The following TNFSF8 variants were observed in gnomAD, a reference collection of about 807,000 sequenced individuals.
The protein encoded by TNFSF8 is tumor necrosis factor ligand superfamily member 8.
In TNFSF8, 4 loss-of-function variants were observed where a neutral mutation model predicts 22.0. The observed-to-expected ratio is 0.18, with a 90% CI of 0.09 to 0.42. The LOEUF is 0.42. Ranked by LOEUF, TNFSF8 falls within the 10% of genes least tolerant of loss-of-function variation. The probability of loss-of-function intolerance (pLI) is 1.00; values close to 1 mark genes in which losing one functional copy is unlikely to be tolerated. For missense variants in TNFSF8, 233 were observed against 281.8 expected (o/e 0.83, Z 1.24); for synonymous variants, 106 against 112.5 (o/e 0.94, Z 0.37).
chr9:114,900,458 A>G (rs1424669794), downstream of TNFSF8, among the ~76,000 whole-genome samples: 3 of 152,136 alleles, frequency 2.0e-5, no homozygotes, highest in Non-Finnish European at 4.4e-5. Context: ...GCCCAGTCTC[A>G]TATTCCAATC....
exon 5 of TNFSF8, chr9:114,893,884 G>T (rs1240802862): frequency 3.7e-6 from 2 of 546,528 alleles, no homozygotes; most frequent in African/African-American, 3.8e-5. Flanking sequence ...TCTCTCTGGG[G>T]CCAGGAAGTA....
rs926790345 is a variant in TNFSF8 at position 114,904,191 on chromosome 9, C to G, written c.445G>C (p.Val149Leu). ...YFIICQLQFLVQCPNNSVDLK... is the reference protein window; with the variant it reads ...YFIICQLQFLLQCPNNSVDLK... ...TCGACAGAATTATTTGGGCATTGTA[C>G]AAGAAACTGCAGTTGGCAAATGATG... The change falls in exon 4 of 4, where the codon GTA becomes CTA. Residue 149 changes from valine (V) to leucine (L), a missense_variant. By Grantham distance (32) the Val-to-Leu change is conservative (BLOSUM62 1). Transcript: ENST00000223795. The G allele has an allele frequency of 2.5e-6, 4 of 1,614,098 alleles. No individual in the cohort carries two copies. The highest frequency in any genetic ancestry group is 2.2e-5 in the East Asian group (1 of 44,888).
Position 114,930,098 on chromosome 9 carries a change from A to G in TNFSF8, c.195+11T>C. The G allele has an allele frequency of 1.4e-6, 2 of 1,452,408 alleles. No homozygotes were observed. The highest frequency in any genetic ancestry group is 1.4e-5 in the South Asian group (1 of 70,578). 90.0% of individuals were successfully genotyped at this position (1,452,408 alleles called of 1,614,324 possible). Reference sequence around the variant, plus strand: ...CAAGAAAAGGAAAGGGAGGAAGAGGAGTCCACTTACCGTCCTCTGAACGAC... The same window carrying G: ...CAAGAAAAGGAAAGGGAGGAAGAGGGGTCCACTTACCGTCCTCTGAACGAC... On this transcript the variant is annotated intron_variant, in intron 1 of 3. Transcript: ENST00000223795.
chr9:114,917,370 T>C (rs1827932440), intron 2 of TNFSF8, among the ~76,000 whole-genome samples: 1 of 152,238 alleles, frequency 6.6e-6, no homozygotes, highest in Admixed American at 6.5e-5. Context: ...GGCTTGGCTT[T>C]GTATGACCTT....
intron 2 of TNFSF8, among the ~76,000 whole-genome samples, chr9:114,912,054 A>G (rs1827858570): frequency 6.6e-6 from 1 of 152,242 alleles, no homozygotes; most frequent in Non-Finnish European, 1.5e-5. Flanking sequence ...TTGGGTTCAA[A>G]TCAATTTTAG....
chr9:114,904,150 A>T lies in TNFSF8; in HGVS notation c.486T>A (p.Leu162=). ...PNNSVDLKLE[L]LINKHIKKQA... is the part of the protein sequence containing the mutation. ...GTTTTTTGATATGCTTGTTGATGAGAAGCTCCAACTTCAGATCGACAGAAT... is the reference window on the plus strand; with the variant it reads ...GTTTTTTGATATGCTTGTTGATGAGTAGCTCCAACTTCAGATCGACAGAAT... The change falls in exon 4 of 4, where the codon CTT becomes CTA. Residue 162 remains leucine (L), a synonymous_variant. Transcript: ENST00000223795. 1 of 1,614,114 alleles carries T rather than the reference A, an allele frequency of 6.2e-7. No homozygotes were observed. The highest frequency in any genetic ancestry group is 8.5e-7 in the Non-Finnish European group (1 of 1,179,982).
At chr9:114,906,674 T>G (rs1169304582) in intron 2 of TNFSF8, among the ~76,000 whole-genome samples, 2 of 152,220 alleles carry the variant, frequency 1.3e-5, no homozygotes, top group African/African-American at 4.8e-5. Context: ...TGGAGCTTCC[T>G]TGGCAGAGGC....
downstream of TNFSF8, among the ~76,000 whole-genome samples, chr9:114,897,869 T>A (rs1186282675): frequency 6.6e-6 from 1 of 152,188 alleles, no homozygotes; most frequent in African/African-American, 2.4e-5. Context: ...TCATAGTGAC[T>A]GGAGCGTGGA....
In TNFSF8 at chr9:114,903,989, G is replaced by T. The variant is rs1166352388; in HGVS notation, c.647C>A (p.Thr216Lys). 1 of 1,614,094 alleles carries T rather than the reference G, an allele frequency of 6.2e-7. No individual in the cohort carries two copies. The highest frequency in any genetic ancestry group is 1.3e-5 in the African/African-American group (1 of 75,046). Residue 216 changes from threonine to lysine, a missense_variant, in exon 4 of 4, where the codon ACA (threonine) becomes AAA (lysine). Thr to Lys is a moderately conservative substitution (Grantham distance 78). Coordinates refer to ENST00000223795, the MANE Select transcript of TNFSF8 (RefSeq NM_001244.4). The stretch of plus-strand genomic sequence containing the variant: ...CACATTCTCAAGAGGAAAGGTGCTT[G>T]TATCTATGTACTGGAATGTATCCAC... ...VNVDTFQYIDTSTFPLENVLS... is the reference protein window; with the variant it reads ...VNVDTFQYIDKSTFPLENVLS...
chr9:114,929,114 T>A (rs1453152822), intron 1 of TNFSF8, among the ~76,000 whole-genome samples: 1 of 152,206 alleles, frequency 6.6e-6, no homozygotes, highest in African/African-American at 2.4e-5. Context: ...TACTACAGCA[T>A]TTTCTATATA....
intron 2 of TNFSF8, among the ~76,000 whole-genome samples, chr9:114,908,554 G>T (rs1587933432): frequency 6.6e-6 from 1 of 152,134 alleles, no homozygotes; most frequent in African/African-American, 2.4e-5. Flanking sequence ...AGAAGTGCAA[G>T]CCCAGGCTTG....
exon 5 of TNFSF8, chr9:114,894,160 G>A: frequency 6.5e-7 from 1 of 1,534,376 alleles, no homozygotes; most frequent in Non-Finnish European, 8.7e-7. Context: ...TCATGCCACA[G>A]TAATCTGGAA....
intron 1 of TNFSF8, among the ~76,000 whole-genome samples, chr9:114,926,337 G>A (rs1411691981): frequency 2.0e-5 from 3 of 152,170 alleles, no homozygotes; most frequent in African/African-American, 7.2e-5. Context: ...GACTGAGGCA[G>A]GAGAATGGGG....
At chr9:114,908,711 G>GT (rs1489806749) in intron 2 of TNFSF8, among the ~76,000 whole-genome samples, 1 of 152,046 alleles carries the variant, frequency 6.6e-6, no homozygotes, top group Non-Finnish European at 1.5e-5. Flanking sequence ...GTATATTTTA[G>GT]TTTTTCTTTA....
rs1827943240 is a variant in TNFSF8 at position 114,918,154 on chromosome 9, G to GAA, written c.196-18_196-17dup. 1.3e-6 allele frequency: 2 copies of GAA among 1,596,596 alleles called. No homozygotes were observed. Among genetic ancestry groups the GAA allele is most frequent in the Non-Finnish European group, 1.7e-6 (2 of 1,173,052 alleles). On this transcript the variant is annotated splice_polypyrimidine_tract_variant and intron_variant, in intron 1 of 3. Transcript: ENST00000223795. ...GAATGGAGTCCTGGAAGAAAAGAAA[G>GAA]AAAAAAGCAGCATGAGGTGTGACAT...
At chr9:114,905,664 C>T (rs75573285) in intron 3 of TNFSF8, among the ~76,000 whole-genome samples, 164 bp downstream of exon 3, 14 of 152,304 alleles carry the variant, frequency 9.2e-5, no homozygotes, top group African/African-American at 3.1e-4. Flanking sequence ...CCCGCTAAGA[C>T]ATTCAAATTC....
At chr9:114,929,797 T>C (rs1436301875) in intron 1 of TNFSF8, among the ~76,000 whole-genome samples, 2 of 151,506 alleles carry the variant, frequency 1.3e-5, no homozygotes, top group East Asian at 3.9e-4. Flanking sequence ...AGTTTTAAGA[T>C]GATGGTCTAA....
intron 2 of TNFSF8, among the ~76,000 whole-genome samples, chr9:114,909,097 T>C (rs1165560750): frequency 6.6e-6 from 1 of 152,164 alleles, no homozygotes; most frequent in Non-Finnish European, 1.5e-5. Context: ...AGTTGACCAG[T>C]CAGTGCTGCT....
intron 2 of TNFSF8, among the ~76,000 whole-genome samples, chr9:114,916,448 T>C (rs1222870181): frequency 6.6e-6 from 1 of 152,142 alleles, no homozygotes; most frequent in African/African-American, 2.4e-5. Flanking sequence ...AAAACTATCC[T>C]CGTCACTGAG....
Sources: allele counts gnomAD v4.1 joint callset (sites outside exome capture counted in the v4.1 genomes callset), GRCh38; gene constraint gnomAD v4.1.1; transcripts MANE v1.5; gene names NCBI Gene and HGNC (gene_info 2026-07-23, HGNC 2026-07-21).